The following SPIRE1 variants were observed in gnomAD, a reference collection of about 807,000 sequenced individuals.
SPIRE1 encodes protein spire homolog 1.
Under a neutral mutation model 94.1 loss-of-function variants are expected in SPIRE1, and 40 were observed. The observed-to-expected ratio is 0.43, with a 90% CI of 0.33 to 0.55. The LOEUF (loss-of-function observed/expected upper bound fraction) is 0.55, where lower values mean the gene tolerates loss of function less well. SPIRE1 is among the 20% of genes least tolerant of loss of function. SPIRE1 has a pLI of 0.06. For synonymous variants in SPIRE1, 376 were observed against 371.7 expected (o/e 1.01, Z -0.13); for missense variants, 838 against 975.2 (o/e 0.86, Z 1.87).
chr18:12,618,473 G>A (rs2037374700), intron 2 of SPIRE1, among the ~76,000 whole-genome samples: 1 of 152,168 alleles, frequency 6.6e-6, no homozygotes, highest in African/African-American at 2.4e-5. Context: ...ACTTTCTGTT[G>A]CTGAAGAAAA....
intron 12 of SPIRE1, among the ~76,000 whole-genome samples, chr18:12,460,854 C>G (rs1416300416): frequency 6.6e-6 from 1 of 152,136 alleles, no homozygotes; most frequent in Admixed American, 6.5e-5. Flanking sequence ...ACTTACCAAG[C>G]TATAGGGCAT....
At position 12,511,359 on chromosome 18, in the gene SPIRE1, G is replaced by A. The variant is rs186248860; in HGVS notation, c.807+1095C>T. 1.8e-4 allele frequency among the ~76,000 whole-genome samples: 28 copies of A among 152,252 alleles called. 1 individual carries two copies. Among genetic ancestry groups the A allele is most frequent in the Admixed American group, 3.3e-4 (5 of 15,274 alleles). The stretch of plus-strand genomic sequence containing the variant: ...GCAGCGGCATTAGATTCTCAAAGGA[G>A]CACAAACCCTACTGTGAACTGCACA... On this transcript the variant is annotated intron_variant, in intron 5 of 16. Coordinates refer to ENST00000409402, the MANE Select transcript of SPIRE1 (RefSeq NM_001128626.2).
intron 2 of SPIRE1, among the ~76,000 whole-genome samples, chr18:12,557,579 G>A (rs956348552): frequency 6.6e-6 from 1 of 152,166 alleles, no homozygotes; most frequent in South Asian, 2.1e-4. Context: ...GGCCAGCCCA[G>A]AGAGGGGCTC....
At chr18:12,523,949 TA>T (rs2034432530) in intron 4 of SPIRE1, among the ~76,000 whole-genome samples, 1 of 152,248 alleles carries the variant, frequency 6.6e-6, no homozygotes, top group African/African-American at 2.4e-5. Context: ...TTAAAGTATG[TA>T]TTTTTTTGAT....
At chr18:12,503,239 C>G (rs899613490) in intron 6 of SPIRE1, among the ~76,000 whole-genome samples, 4 of 152,176 alleles carry the variant, frequency 2.6e-5, no homozygotes, top group African/African-American at 7.2e-5. Flanking sequence ...GCCTCACCTA[C>G]TACCATAAAA....
chr18:12,524,633 T>C (rs895311639), intron 4 of SPIRE1, among the ~76,000 whole-genome samples: 7 of 152,112 alleles, frequency 4.6e-5, no homozygotes, highest in Non-Finnish European at 1.0e-4. Context: ...GCCGGGATTA[T>C]AAGGCATGAG....
At chr18:12,605,789 C>G (rs1193848562) in intron 2 of SPIRE1, among the ~76,000 whole-genome samples, 3 of 152,152 alleles carry the variant, frequency 2.0e-5, no homozygotes, top group Non-Finnish European at 2.9e-5. Flanking sequence ...TAGAGTACTA[C>G]TAGCTGCTGT....
intron 4 of SPIRE1, among the ~76,000 whole-genome samples, chr18:12,513,370 G>T (rs946348261): frequency 6.6e-6 from 1 of 152,074 alleles, no homozygotes; most frequent in African/African-American, 2.4e-5. Flanking sequence ...CTATGTGCCT[G>T]CCTGCACTTA....
chr18:12,463,006 T>C (rs959091683), intron 12 of SPIRE1, among the ~76,000 whole-genome samples: 1 of 152,136 alleles, frequency 6.6e-6, no homozygotes, highest in African/African-American at 2.4e-5. Context: ...AATGATCCTC[T>C]CACACCTCAT....
At chr18:12,490,598 G>C (rs2033198806) in intron 8 of SPIRE1, among the ~76,000 whole-genome samples, 2 of 152,122 alleles carry the variant, frequency 1.3e-5, no homozygotes, top group Admixed American at 1.3e-4. Flanking sequence ...TCATGACCAA[G>C]TGGGATTCAT....
In SPIRE1 at chr18:12,566,804, C is replaced by T. The variant is rs979391619; in HGVS notation, c.373-19900G>A. On this transcript the variant is annotated intron_variant, in intron 2 of 16. Coordinates refer to ENST00000409402, the MANE Select transcript of SPIRE1 (RefSeq NM_001128626.2). The stretch of plus-strand genomic sequence containing the variant: ...AATTATGTCAACCCTCTACAATCTA[C>T]CTCAGAATATACAAGCAGAAGGAAT... Among the ~76,000 whole-genome samples, 4 of 152,188 alleles carry T rather than the reference C, an allele frequency of 2.6e-5. No homozygotes were observed. In the South Asian group the frequency reaches 8.3e-4, roughly 32 times the overall value.
intron 2 of SPIRE1, among the ~76,000 whole-genome samples, chr18:12,568,408 T>C (rs1246345908): frequency 6.6e-6 from 1 of 152,218 alleles, no homozygotes; most frequent in Non-Finnish European, 1.5e-5. Flanking sequence ...TTCAGTATCA[T>C]TCCTATTTTC....
intron 6 of SPIRE1, among the ~76,000 whole-genome samples, chr18:12,503,467 G>A (rs1296164759): frequency 6.6e-6 from 1 of 152,162 alleles, no homozygotes; most frequent in Non-Finnish European, 1.5e-5. Context: ...CGCCGAGGCT[G>A]CACGGGTTCG....
chr18:12,456,201 T>C (rs1183115776), intron 12 of SPIRE1, among the ~76,000 whole-genome samples: 1 of 152,224 alleles, frequency 6.6e-6, no homozygotes, highest in East Asian at 1.9e-4. Context: ...CAGTTTTCTC[T>C]TTCAACAGGA....
intron 2 of SPIRE1, among the ~76,000 whole-genome samples, chr18:12,568,753 T>G (rs1199413568): frequency 1.3e-5 from 2 of 152,204 alleles, no homozygotes; most frequent in African/African-American, 2.4e-5. Context: ...GACTCAAAAG[T>G]TAATGAGTGA....
chr18:12,496,679 C>T (rs1446294119), intron 6 of SPIRE1, among the ~76,000 whole-genome samples: 1 of 152,132 alleles, frequency 6.6e-6, no homozygotes, highest in Non-Finnish European at 1.5e-5. Flanking sequence ...ACCATCTTGG[C>T]TAACACGGTG....
intron 2 of SPIRE1, among the ~76,000 whole-genome samples, chr18:12,628,737 T>C (rs1320353480): frequency 6.6e-6 from 1 of 152,166 alleles, no homozygotes; most frequent in African/African-American, 2.4e-5. Context: ...GAGCAGTGGT[T>C]TGTAGTTCTC....
intron 12 of SPIRE1, among the ~76,000 whole-genome samples, chr18:12,461,422 G>GTGTGTACGTATGTACATACATACA (rs1555680886): frequency 7.8e-6 from 1 of 127,704 alleles, no homozygotes; most frequent in Non-Finnish European, 1.6e-5. Flanking sequence ...GTATGTGTGT[G>GTGTGTACGTATGTACATACATACA]TGTGTGTATG....
intron 10 of SPIRE1, among the ~76,000 whole-genome samples, chr18:12,471,786 T>A (rs1000201689): frequency 1.3e-4 from 20 of 152,092 alleles, no homozygotes; most frequent in African/African-American, 4.3e-4. Flanking sequence ...TGTTTTGTTA[T>A]CTTCTTCTTC....
Sources: gnomAD v4.1 joint callset for allele counts (sites outside exome capture counted in the v4.1 genomes callset) on GRCh38, gnomAD v4.1.1 for gene constraint, MANE v1.5 for transcripts, NCBI Gene and HGNC (gene_info 2026-07-23, HGNC 2026-07-21) for gene names.